VRK2: variants seen among roughly 807,000 people sequenced by gnomAD.
VRK2 encodes serine/threonine-protein kinase VRK2.
VRK2 carries 60 observed loss-of-function variants against 57.6 expected under a neutral mutation model. The observed-to-expected ratio is 1.04, with a 90% CI of 0.85 to 1.29. The LOEUF (loss-of-function observed/expected upper bound fraction) is 1.29, where lower values mean the gene tolerates loss of function less well. VRK2 is among the 50% of genes most tolerant of loss of function. VRK2 has a pLI of 0.00. For missense variants in VRK2, 705 were observed against 588.1 expected, an observed-to-expected ratio of 1.20 and a Z score of -2.06; for synonymous variants, 231 against 199.2, an observed-to-expected ratio of 1.16 and a Z score of -1.35.
At chr2:58,044,294 C>T (rs919770752), upstream of VRK2, among the ~76,000 whole-genome samples, 1 of 152,162 alleles carries the variant, frequency 6.6e-6, no homozygotes, top group African/African-American at 2.4e-5. Context: ...AAGAATGTGT[C>T]CAGCAAACTT....
rs1287198594 is a variant in VRK2, at chr2:58,146,310, C to T, written c.1024-6C>T. 1.9e-6 allele frequency: 3 copies of T among 1,603,782 alleles called. No individual in the cohort carries two copies. Among genetic ancestry groups the T allele is most frequent in the African/African-American group, 1.3e-5 (1 of 74,150 alleles). On this transcript the variant is annotated splice_polypyrimidine_tract_variant and splice_region_variant and intron_variant, in intron 11 of 12. Coordinates refer to ENST00000340157, the MANE Select transcript of VRK2 (RefSeq NM_006296.7). ...TTATATATTATTACTTACTCTATAC[C>T]AACAGGTTGATTCACAAAAGGCTGC...
chr2:58,001,525 T>C (rs1055156258), intron 1 of VRK2, among the ~76,000 whole-genome samples: 5 of 152,132 alleles, frequency 3.3e-5, no homozygotes, highest in African/African-American at 1.2e-4. Flanking sequence ...ACTAGTCCTT[T>C]AAAATATATG....
intron 2 of VRK2, among the ~76,000 whole-genome samples, chr2:58,079,294 A>G (rs1670534132): frequency 6.6e-6 from 1 of 152,134 alleles, no homozygotes; most frequent in Non-Finnish European, 1.5e-5. Context: ...TTAGCCTGCC[A>G]TAAATTCATT....
intron 12 of VRK2, among the ~76,000 whole-genome samples, chr2:58,152,734 T>C (rs1406407806): frequency 6.6e-6 from 1 of 151,918 alleles, no homozygotes; most frequent in Admixed American, 6.6e-5. Flanking sequence ...TATTTCTGCA[T>C]TTTTTTAACA....
chr2:58,084,644 T>C (rs1470019763), intron 3 of VRK2, among the ~76,000 whole-genome samples: 1 of 151,932 alleles, frequency 6.6e-6, no homozygotes, highest in Non-Finnish European at 1.5e-5. Context: ...AAACTACTTT[T>C]ATGTGTAAGA....
At chr2:58,151,672 T>G (rs2104688323) in intron 12 of VRK2, among the ~76,000 whole-genome samples, 1 of 146,654 alleles carries the variant, frequency 6.8e-6, no homozygotes, top group South Asian at 2.2e-4. Context: ...CCTTTTTACC[T>G]CCCTCTTGCT....
rs1211833652 is a variant in VRK2, at chr2:58,047,043, G to C, written c.-6+175G>C. 5 of 931,032 alleles carry C rather than the reference G, an allele frequency of 5.4e-6. No homozygotes were observed. In the African/African-American group the frequency reaches 7.1e-5, roughly 13 times the overall value. The allele number at this position is 931,032 out of a possible 1,614,324, so 57.7% of individuals were successfully genotyped here. On this transcript the variant is annotated intron_variant, in intron 1 of 12. Transcript: ENST00000340157. ...GGCAGAGTCGCTGCTTCCGCGTTTGGTTCTTTTTTCCCCGCTGGGAGTGAG... is the reference window on the plus strand; with the variant it reads ...GGCAGAGTCGCTGCTTCCGCGTTTGCTTCTTTTTTCCCCGCTGGGAGTGAG...
At chr2:58,147,213 ACTT>A (rs995022206) in intron 12 of VRK2, 2 of 517,592 alleles carry the variant, frequency 3.9e-6, no homozygotes, top group African/African-American at 1.9e-5. Flanking sequence ...TTGGCTCTGA[ACTT>A]CTTGACAGCC....
intron 1 of VRK2, among the ~76,000 whole-genome samples, chr2:57,947,757 T>C (rs1447872052): frequency 6.6e-6 from 1 of 152,178 alleles, no homozygotes; most frequent in Non-Finnish European, 1.5e-5. Flanking sequence ...TGTATGTTGG[T>C]AGTCTAACAA....
At chr2:57,936,534 T>G (rs1291086794) in intron 1 of VRK2, among the ~76,000 whole-genome samples, 4 of 150,840 alleles carry the variant, frequency 2.7e-5, no homozygotes, top group Non-Finnish European at 5.9e-5. Context: ...TTTTTTTGTT[T>G]TTTTTTTTTT....
chr2:58,086,836 G>A (rs1224328671), intron 5 of VRK2, among the ~76,000 whole-genome samples: 2 of 152,170 alleles, frequency 1.3e-5, no homozygotes, highest in Admixed American at 6.5e-5. Context: ...TTTCTCTAGA[G>A]CAATTAATTG....
intron 1 of VRK2, among the ~76,000 whole-genome samples, chr2:57,937,488 T>C (rs757707011): frequency 2.0e-5 from 3 of 152,252 alleles, no homozygotes; most frequent in Non-Finnish European, 4.4e-5. Context: ...ACGATTCTTG[T>C]TGTAATTGTA....
intron 9 of VRK2, 78 bp from the exon 10 acceptor site, chr2:58,135,063 T>C (rs1197691760): frequency 6.7e-7 from 1 of 1,499,182 alleles, no homozygotes; most frequent in Non-Finnish European, 9.2e-7. Context: ...TACCAACACA[T>C]AGAGTGTTTT....
Position 58,118,553 on chromosome 2 carries a change from G to A in VRK2, c.544-4548G>A, listed in dbSNP as rs534459990. Among the ~76,000 whole-genome samples, 17 of 152,350 alleles carry A rather than the reference G, an allele frequency of 1.1e-4. No individual in the cohort carries two copies. In the South Asian group the frequency reaches 1.4e-3, roughly 13 times the overall value. ...AGATAGTAAAAAGAGGCCGCTTACCGGATTTGAAATTGGTGAGATGTTTCT... is the reference window on the plus strand; with the variant it reads ...AGATAGTAAAAAGAGGCCGCTTACCAGATTTGAAATTGGTGAGATGTTTCT... On this transcript the variant is annotated intron_variant, in intron 7 of 12. Coordinates refer to ENST00000340157, the MANE Select transcript of VRK2 (RefSeq NM_006296.7).
chr2:57,976,366 A>T (rs1672251803), intron 1 of VRK2, among the ~76,000 whole-genome samples: 1 of 152,182 alleles, frequency 6.6e-6, no homozygotes, highest in African/African-American at 2.4e-5. Flanking sequence ...ACTAATTTAC[A>T]TTCCCACCAG....
intron 7 of VRK2, among the ~76,000 whole-genome samples, chr2:58,113,420 G>A (rs1675890588): frequency 6.6e-6 from 1 of 152,092 alleles, no homozygotes; most frequent in African/African-American, 2.4e-5. Context: ...AAAGAAAGAG[G>A]ACCATAGAGA....
chr2:58,147,487 T>G, intron 12 of VRK2, among the ~76,000 whole-genome samples: 1 of 151,930 alleles, frequency 6.6e-6, no homozygotes, highest in East Asian at 1.9e-4. Flanking sequence ...TAAAAATCTC[T>G]AGTTGAGAGA....
chr2:58,112,172 C>T (rs1247336203), intron 7 of VRK2, among the ~76,000 whole-genome samples: 1 of 152,132 alleles, frequency 6.6e-6, no homozygotes, highest in East Asian at 1.9e-4. Context: ...TCGAATCCTG[C>T]TTTCATCCTT....
chr2:58,153,670 T>A (rs1268607490), intron 12 of VRK2, among the ~76,000 whole-genome samples: 9 of 152,130 alleles, frequency 5.9e-5, no homozygotes, highest in Admixed American at 2.0e-4. Flanking sequence ...TGTCTGTTGT[T>A]ATCTTTTTAT....
Sources: gnomAD v4.1 joint callset for allele counts (sites outside exome capture counted in the v4.1 genomes callset) on GRCh38, gnomAD v4.1.1 for gene constraint, MANE v1.5 for transcripts, NCBI Gene and HGNC (gene_info 2026-07-23, HGNC 2026-07-21) for gene names.